The following MDFIC2 variants were observed in gnomAD, a reference collection of about 807,000 sequenced individuals.
MDFIC2 encodes myoD family inhibitor domain-containing protein 2.
At chr3:70,272,778 C>A (rs1037834716) in intron 2 of MDFIC2, among the ~76,000 whole-genome samples, 4 of 152,146 alleles carry the variant, frequency 2.6e-5, no homozygotes, top group African/African-American at 9.7e-5. Context: ...TTCTTTCCTC[C>A]ATTGGAAAGC....
At chr3:70,287,413 T>G (rs1211834877) in intron 2 of MDFIC2, among the ~76,000 whole-genome samples, 3 of 151,648 alleles carry the variant, frequency 2.0e-5, no homozygotes, top group African/African-American at 7.3e-5. Context: ...GAAGCCCACT[T>G]GATCATGGTG....
chr3:70,299,593 T>C (rs928340934), intron 2 of MDFIC2, among the ~76,000 whole-genome samples: 6 of 152,154 alleles, frequency 3.9e-5, no homozygotes, highest in African/African-American at 1.4e-4. Flanking sequence ...CAGCGTTCTC[T>C]TGGGTGCCAG....
intron 2 of MDFIC2, among the ~76,000 whole-genome samples, chr3:70,246,961 T>TCATGAA (rs1242166791): frequency 1.3e-5 from 2 of 152,078 alleles, no homozygotes; most frequent in African/African-American, 4.8e-5. Context: ...GATGGAATAT[T>TCATGAA]CATGAACAAT....
chr3:70,214,446 G>A (rs962389574), intron 2 of MDFIC2, among the ~76,000 whole-genome samples: 5 of 151,956 alleles, frequency 3.3e-5, no homozygotes, highest in Non-Finnish European at 2.9e-5. Flanking sequence ...GAGAGAAAAG[G>A]CTAAAGTATA....
chr3:70,310,648 G>A (rs1277205298), intron 2 of MDFIC2, among the ~76,000 whole-genome samples: 2 of 152,124 alleles, frequency 1.3e-5, no homozygotes, highest in African/African-American at 2.4e-5. Flanking sequence ...TTATAGATGT[G>A]AGCCACTGCA....
intron 3 of MDFIC2, among the ~76,000 whole-genome samples, chr3:70,198,505 A>G (rs771872393): frequency 6.6e-6 from 1 of 152,232 alleles, no homozygotes; most frequent in Non-Finnish European, 1.5e-5. Flanking sequence ...AAAGAAAGCC[A>G]CTTTGGTTTC....
rs144297309 is a variant in MDFIC2 at position 70,304,402 on chromosome 3, C to G, written c.88+7484G>C. Among the ~76,000 whole-genome samples, 3 of 152,278 alleles carry G rather than the reference C, an allele frequency of 2.0e-5. No individual in the cohort carries two copies. In the East Asian group the frequency reaches 5.8e-4, roughly 29 times the overall value. On this transcript the variant is annotated intron_variant, in intron 2 of 3. Transcript: ENST00000567252. ...AACTCATCTCATATATTCTATTGCCCAGTTGACAGTTTCCATGGGGATACC... is the reference window on the plus strand; with the variant it reads ...AACTCATCTCATATATTCTATTGCCGAGTTGACAGTTTCCATGGGGATACC...
At chr3:70,217,596 AAC>A (rs1163273068) in intron 2 of MDFIC2, among the ~76,000 whole-genome samples, 1 of 152,116 alleles carries the variant, frequency 6.6e-6, no homozygotes, top group Non-Finnish European at 1.5e-5. Context: ...GAGCTGAAAA[AAC>A]AGTTTTTCAC....
At chr3:70,215,138 C>T (rs1701393884) in intron 2 of MDFIC2, among the ~76,000 whole-genome samples, 1 of 152,090 alleles carries the variant, frequency 6.6e-6, no homozygotes, top group Admixed American at 6.6e-5. Flanking sequence ...CTTAAAGTCT[C>T]TTATGTGCAT....
intron 2 of MDFIC2, among the ~76,000 whole-genome samples, chr3:70,276,678 C>G (rs1702029962): frequency 6.6e-6 from 1 of 152,194 alleles, no homozygotes; most frequent in Non-Finnish European, 1.5e-5. Context: ...ATATGGCCTA[C>G]TGCATTTTTT....
chr3:70,307,877 C>T (rs1026500622), intron 2 of MDFIC2, among the ~76,000 whole-genome samples: 1 of 152,160 alleles, frequency 6.6e-6, no homozygotes, highest in Non-Finnish European at 1.5e-5. Context: ...AATAATCAGC[C>T]AATATGCCCA....
chr3:70,211,731 CT>C (rs1217720169), intron 2 of MDFIC2, among the ~76,000 whole-genome samples: 1 of 140,892 alleles, frequency 7.1e-6, no homozygotes, highest in African/African-American at 2.7e-5. Flanking sequence ...TTTCCTTTCT[CT>C]TTTTCCTTTT....
chr3:70,233,055 G>A (rs1701575926), intron 2 of MDFIC2, among the ~76,000 whole-genome samples: 1 of 152,166 alleles, frequency 6.6e-6, no homozygotes, highest in African/African-American at 2.4e-5. Flanking sequence ...CGGACATGGT[G>A]GCATGCGCCT....
intron 3 of MDFIC2, chr3:70,205,917 A>AGATTGCTGATGAGATTGCT (rs1559534670): frequency 3.3e-5 from 5 of 151,876 alleles, no homozygotes; most frequent in Admixed American, 6.6e-5. Flanking sequence ...GTAAAATTCC[A>AGATTGCTGATGAGATTGCT]TATCTTGGTG....
chr3:70,224,290 A>C (rs1701484477), intron 2 of MDFIC2, among the ~76,000 whole-genome samples: 1 of 152,216 alleles, frequency 6.6e-6, no homozygotes, highest in Non-Finnish European at 1.5e-5. Flanking sequence ...TCCTCCAAGC[A>C]CACTGCAATG....
intron 2 of MDFIC2, among the ~76,000 whole-genome samples, chr3:70,242,092 T>C (rs1701670953): frequency 6.6e-6 from 1 of 152,218 alleles, no homozygotes; most frequent in African/African-American, 2.4e-5. Flanking sequence ...GCCAATGATG[T>C]GTACTGCTAT....
chr3:70,255,344 A>G (rs978245592), intron 2 of MDFIC2, among the ~76,000 whole-genome samples: 4 of 152,232 alleles, frequency 2.6e-5, no homozygotes, highest in Non-Finnish European at 5.9e-5. Context: ...TAAAAGGACC[A>G]AAGAAGAGGC....
chr3:70,296,996 G>A (rs1348138909), intron 2 of MDFIC2, among the ~76,000 whole-genome samples: 2 of 151,492 alleles, frequency 1.3e-5, no homozygotes, highest in South Asian at 2.1e-4. Flanking sequence ...CTCCCCAACC[G>A]CCTCCCCCAC....
chr3:70,306,862 G>T (rs1702406071), intron 2 of MDFIC2, among the ~76,000 whole-genome samples: 1 of 151,932 alleles, frequency 6.6e-6, no homozygotes, highest in South Asian at 2.1e-4. Flanking sequence ...TCATATGATT[G>T]GTGTCTTGAC....
Sources: allele counts gnomAD v4.1 joint callset (sites outside exome capture counted in the v4.1 genomes callset), GRCh38; gene constraint gnomAD v4.1.1; transcripts MANE v1.5; gene names NCBI Gene and HGNC (gene_info 2026-07-23, HGNC 2026-07-21).